The following CRMP1 variants were observed in gnomAD, a reference collection of about 807,000 sequenced individuals.
CRMP1 encodes dihydropyrimidinase-related protein 1.
Under a neutral mutation model 68.3 loss-of-function variants are expected in CRMP1, and 19 were observed. The observed-to-expected ratio is 0.28, with a 90% confidence interval of 0.19 to 0.41. CRMP1 has a LOEUF of 0.41. Ranked by LOEUF, CRMP1 falls within the 10% of genes least tolerant of loss-of-function variation. The probability of loss-of-function intolerance (pLI) is 1.00; values close to 1 mark genes in which losing one functional copy is unlikely to be tolerated. For synonymous variants in CRMP1, 439 were observed against 399.6 expected, an observed-to-expected ratio of 1.10 and a Z score of -1.18; for missense variants, 791 against 967.4, an observed-to-expected ratio of 0.82 and a Z score of 2.42.
In CRMP1 at chr4:5,825,938, T is replaced by A; in HGVS notation, c.1804-279A>T. On this transcript the variant is annotated intron_variant, in intron 12 of 13. Transcript: ENST00000324989. The surrounding 1 kb of genome is among the most constrained non-coding windows in gnomAD (Gnocchi z 4.4). ...CGCACACGCACTCACATACATGCAGTCATGCACACATATATGCATGCACAT... is the reference window on the plus strand; with the variant it reads ...CGCACACGCACTCACATACATGCAGACATGCACACATATATGCATGCACAT... 1 of 480,182 alleles carries A rather than the reference T, an allele frequency of 2.1e-6. No homozygotes were observed. The highest frequency in any genetic ancestry group is 3.7e-6 in the Non-Finnish European group (1 of 272,808). The allele number at this position is 480,182 out of a possible 1,614,324, so 29.7% of individuals were successfully genotyped here.
rs543767657 is a variant in CRMP1 at position 5,883,232 on chromosome 4, T to TTTCCTTCCTTCCTTCCTTCCTTCC, written c.381+9333_381+9356dup. ...GTGCCCTGTTCCGCAGCCTGCCTGC[T>TTTCCTTCCTTCCTTCCTTCCTTCC]TTCCTTCCTTCCTTCCTTCCTTCCT... is the stretch of plus-strand genomic sequence containing the variant. On this transcript the variant is annotated intron_variant, in intron 1 of 13. Coordinates refer to ENST00000324989, the MANE Select transcript of CRMP1 (RefSeq NM_001014809.3). The surrounding 1 kb of genome is among the most constrained non-coding windows in gnomAD (Gnocchi z 4.5). 4.9e-3 allele frequency among the ~76,000 whole-genome samples: 553 copies of TTTCCTTCCTTCCTTCCTTCCTTCC among 112,360 alleles called. 6 individuals are homozygous for TTTCCTTCCTTCCTTCCTTCCTTCC. The highest frequency in any genetic ancestry group is 0.015 in the African/African-American group (504 of 33,488). The allele number at this position is 112,360 out of a possible 152,430, so 73.7% of individuals were successfully genotyped here. A position where few individuals can be genotyped will look rare whatever the true frequency, so the allele number is the denominator to read the frequency against.
chr4:5,828,928 G>T (rs1265082257), intron 11 of CRMP1, among the ~76,000 whole-genome samples: 1 of 145,406 alleles, frequency 6.9e-6, no homozygotes. Flanking sequence ...CAAAGAGGAA[G>T]GGGGTCCCCC....
Position 5,821,414 on chromosome 4 carries a change from G to T in CRMP1, c.*346C>A. 1 of 302,970 alleles carries T rather than the reference G, an allele frequency of 3.3e-6. No individual in the cohort carries two copies. The highest frequency in any genetic ancestry group is 5.6e-5 in the East Asian group (1 of 18,014). The allele number at this position is 302,970 out of a possible 1,614,324, so 18.8% of individuals were successfully genotyped here. ...ATCAACTATCCTAGAACATCTACAGGGTGCAAAGGAACCACCACTCAGAGA... is the reference window on the plus strand; with the variant it reads ...ATCAACTATCCTAGAACATCTACAGTGTGCAAAGGAACCACCACTCAGAGA... On this transcript the variant is annotated 3_prime_UTR_variant, in exon 14 of 14. Coordinates refer to ENST00000324989, the MANE Select transcript of CRMP1 (RefSeq NM_001014809.3). The surrounding 1 kb of genome is among the most constrained non-coding windows in gnomAD (Gnocchi z 4.4).
chr4:5,887,277 T>A (rs1715656408), intron 1 of CRMP1: 1 of 891,744 alleles, frequency 1.1e-6, no homozygotes, highest in Non-Finnish European at 1.3e-6. Context: ...GGAGCCTGAA[T>A]TTTGCATAAA....
Position 5,860,467 on chromosome 4 carries a change from G to A in CRMP1, c.655+559C>T, listed in dbSNP as rs1452960988. ...ATTTGGGGGCTGTTTGTTACGCGGT[G>A]TTATCACAGTATTACTGCAGCAATA... is the stretch of plus-strand genomic sequence containing the variant. On this transcript the variant is annotated intron_variant, in intron 3 of 13. Transcript: ENST00000324989. This position sits in a 1 kb window ranked among gnomAD's most constrained non-coding sequence, Gnocchi z 4.2. Among the ~76,000 whole-genome samples, 2 of 152,274 alleles carry A rather than the reference G, an allele frequency of 1.3e-5. No individual in the cohort carries two copies. Among genetic ancestry groups the A allele is most frequent in the East Asian group, 3.9e-4 (2 of 5,158 alleles).
chr4:5,886,016 G>A (rs1715560483), intron 1 of CRMP1, among the ~76,000 whole-genome samples: 1 of 152,180 alleles, frequency 6.6e-6, no homozygotes, highest in African/African-American at 2.4e-5. Context: ...TGTGTTATTA[G>A]CAAAAGGTAC....
chr4:5,859,716 C>A lies in CRMP1; in HGVS notation c.655+1310G>T, dbSNP rs1362180008. On this transcript the variant is annotated intron_variant, in intron 3 of 13. Coordinates refer to ENST00000324989, the MANE Select transcript of CRMP1 (RefSeq NM_001014809.3). The surrounding 1 kb of genome is among the most constrained non-coding windows in gnomAD (Gnocchi z 5.2). ...TCCCATCCAGCAGATCCACGGGCTG[C>A]CCTTTGGAAGAGGGATCAGGACAGT... is the stretch of plus-strand genomic sequence containing the variant. Among the ~76,000 whole-genome samples the A allele has an allele frequency of 6.6e-6, 1 of 152,142 alleles. No homozygotes were observed. The highest frequency in any genetic ancestry group is 1.5e-5 in the Non-Finnish European group (1 of 68,038).
rs1716024661 is a variant in CRMP1 at position 5,893,035 on chromosome 4, G to A, written c.-66C>T. 9.6e-7 allele frequency: 1 copy of A among 1,044,718 alleles called. No homozygotes were observed. The highest frequency in any genetic ancestry group is 1.7e-5 in the African/African-American group (1 of 58,254). The allele number at this position is 1,044,718 out of a possible 1,614,324, so 64.7% of individuals were successfully genotyped here. A position where few individuals can be genotyped will look rare whatever the true frequency, so the allele number is the denominator to read the frequency against. On this transcript the variant is annotated 5_prime_UTR_variant, in exon 1 of 14. Coordinates refer to ENST00000324989, the MANE Select transcript of CRMP1 (RefSeq NM_001014809.3). ...CGCCCGCGGCCCTGGGCACCGCCGT[G>A]CGCCGCGCTCCGCGCCTCGGTGCGG... is the stretch of plus-strand genomic sequence containing the variant.
In CRMP1 at chr4:5,888,470, C is replaced by T. The variant is rs1007809503; in HGVS notation, c.381+4119G>A. The T allele has an allele frequency of 1.7e-6, 2 of 1,210,516 alleles. No homozygotes were observed. The highest frequency in any genetic ancestry group is 4.3e-5 in the South Asian group (1 of 23,340). 75.0% of individuals were successfully genotyped at this position (1,210,516 alleles called of 1,614,324 possible). ...CCGCCGCCGCTCCGGCTGCCAGCACCGCCCGGATCGGCGAGGAGGGCGGGA... is the reference window on the plus strand; with the variant it reads ...CCGCCGCCGCTCCGGCTGCCAGCACTGCCCGGATCGGCGAGGAGGGCGGGA... On this transcript the variant is annotated intron_variant, in intron 1 of 13. Coordinates refer to ENST00000324989, the MANE Select transcript of CRMP1 (RefSeq NM_001014809.3). This position sits in a 1 kb window ranked among gnomAD's most constrained non-coding sequence, Gnocchi z 6.4.
chr4:5,835,769 TGGA>T (rs1720687478), intron 11 of CRMP1, 143 bp downstream of exon 11: 1 of 963,704 alleles, frequency 1.0e-6, no homozygotes, highest in Non-Finnish European at 1.4e-6. Context: ...TCTCTCCAAC[TGGA>T]GGAGAAATGG....
At position 5,892,788 on chromosome 4, in the gene CRMP1, G is replaced by T. The variant is rs1716013525; in HGVS notation, c.182C>A (p.Ala61Glu). ...CCGGCCAGCGCTGCGCGGCGTGCGC[G>T]CCGAGCCGCGGCGGCCCACACTGTA... ...DAYSVGRRGS[A>E]RTPRSAGRPD... is the part of the protein sequence containing the mutation. The change falls in exon 1 of 14, where the codon GCG (alanine) becomes GAG (glutamate). Residue 61 changes from alanine (A) to glutamate (E), a missense_variant. Transcript: ENST00000324989. The surrounding 1 kb of genome is among the most constrained non-coding windows in gnomAD (Gnocchi z 8.6). 1 of 1,313,564 alleles carries T rather than the reference G, an allele frequency of 7.6e-7. No individual in the cohort carries two copies. Among genetic ancestry groups the T allele is most frequent in the Non-Finnish European group, 9.7e-7 (1 of 1,026,026 alleles). The allele number at this position is 1,313,564 out of a possible 1,614,324, so 81.4% of individuals were successfully genotyped here.
intron 6 of CRMP1, 94 bp downstream of exon 6, chr4:5,849,298 A>T: frequency 1.0e-6 from 1 of 993,942 alleles, no homozygotes; most frequent in African/African-American, 1.6e-5. Flanking sequence ...CTTTCATTGT[A>T]CAGCCTCCTC....
intron 11 of CRMP1, among the ~76,000 whole-genome samples, chr4:5,830,595 G>T (rs114835907): frequency 6.6e-6 from 1 of 152,294 alleles, no homozygotes; most frequent in South Asian, 2.1e-4. Flanking sequence ...AGTAACTATC[G>T]TTTCCTAATT....
At position 5,889,534 on chromosome 4, in the gene CRMP1, T is replaced by A. The variant is rs556088642; in HGVS notation, c.381+3055A>T. The A allele has an allele frequency of 2.0e-5, 30 of 1,529,142 alleles. No homozygotes were observed. In the Middle Eastern group the frequency reaches 5.0e-4, roughly 26 times the overall value. The allele number at this position is 1,529,142 out of a possible 1,614,324, so 94.7% of individuals were successfully genotyped here. On this transcript the variant is annotated intron_variant, in intron 1 of 13. Coordinates refer to ENST00000324989, the MANE Select transcript of CRMP1 (RefSeq NM_001014809.3). This position sits in a 1 kb window ranked among gnomAD's most constrained non-coding sequence, Gnocchi z 4.5. ...GTCCGTAACAGCAGAGGGGAAAAGA[T>A]GAAAGAAGATGGAGGAAAAGGGGGA... is the stretch of plus-strand genomic sequence containing the variant.
At chr4:5,826,907 A>G (rs1026722450) in intron 12 of CRMP1, 4 of 152,810 alleles carry the variant, frequency 2.6e-5, no homozygotes, top group Non-Finnish European at 5.8e-5. Flanking sequence ...CATCATGTCA[A>G]CGGCCCTCCC....
In CRMP1 at chr4:5,889,672, C is replaced by T; in HGVS notation, c.381+2917G>A. 2 of 1,536,154 alleles carry T rather than the reference C, an allele frequency of 1.3e-6. No individual in the cohort carries two copies. The highest frequency in any genetic ancestry group is 1.7e-6 in the Non-Finnish European group (2 of 1,146,906). On this transcript the variant is annotated intron_variant, in intron 1 of 13. Coordinates refer to ENST00000324989, the MANE Select transcript of CRMP1 (RefSeq NM_001014809.3). The surrounding 1 kb of genome is among the most constrained non-coding windows in gnomAD (Gnocchi z 4.5). ...ATTTTCTGCATGCGAAATCCAACCC[C>T]ACAGGTCCTATGAAACTACTCATCT...
intron 12 of CRMP1, chr4:5,828,124 C>A: frequency 2.0e-6 from 2 of 985,412 alleles, no homozygotes; most frequent in South Asian, 9.4e-5. Context: ...CTAAGCCCTT[C>A]ACTGCTCTGG....
At chr4:5,828,103 C>T (rs1405899522) in intron 12 of CRMP1, 39 of 985,294 alleles carry the variant, frequency 4.0e-5, no homozygotes, top group African/African-American at 8.7e-5. Context: ...GTTTCTGAGC[C>T]GTGACTCTGG....
rs115079385 is a variant in CRMP1 at position 5,859,897 on chromosome 4, G to C, written c.655+1129C>G. Among the ~76,000 whole-genome samples the C allele has an allele frequency of 3.4e-3, 521 of 152,250 alleles. 4 individuals are homozygous for C. Among genetic ancestry groups the C allele is most frequent in the African/African-American group, 0.011 (442 of 41,556 alleles). ...AGGGTTGGGGCCAGCTTACAGACAG[G>C]CCTCCTGAAACCGAAGAGCCTAACA... On this transcript the variant is annotated intron_variant, in intron 3 of 13. Coordinates refer to ENST00000324989, the MANE Select transcript of CRMP1 (RefSeq NM_001014809.3). This position sits in a 1 kb window ranked among gnomAD's most constrained non-coding sequence, Gnocchi z 5.2.
Sources: gnomAD v4.1 joint callset for allele counts (sites outside exome capture counted in the v4.1 genomes callset) on GRCh38, gnomAD v4.1.1 for gene constraint, Gnocchi (gnomAD v3.1) non-coding constraint, MANE v1.5 for transcripts, NCBI Gene and HGNC (gene_info 2026-07-23, HGNC 2026-07-21) for gene names.